MCF2L2: variants seen among roughly 807,000 people sequenced by gnomAD.
MCF2L2 encodes the protein MCF.2 cell line derived transforming sequence-like 2, also known as probable guanine nucleotide exchange factor MCF2L2.
Under a neutral mutation model 150.2 loss-of-function variants are expected in MCF2L2, and 102 were observed. The ratio of observed to expected loss-of-function variants is 0.68; its 90% CI spans 0.58 to 0.80. MCF2L2 has a LOEUF of 0.80. Ranked by LOEUF, MCF2L2 falls within the 30% of genes least tolerant of loss-of-function variation. MCF2L2 has a pLI of 0.00. For synonymous variants in MCF2L2, 465 were observed against 491.3 expected (o/e 0.95, Z 0.71); for missense variants, 1,256 against 1,372.8 (o/e 0.91, Z 1.34).
intron 1 of MCF2L2, among the ~76,000 whole-genome samples, chr3:183,420,548 G>T (rs947330070): frequency 6.6e-6 from 1 of 152,150 alleles, no homozygotes; most frequent in African/African-American, 2.4e-5. Flanking sequence ...GCAGTGTGCT[G>T]AAATTGCGCC....
At chr3:183,222,117 C>T (rs556909015) in intron 20 of MCF2L2, among the ~76,000 whole-genome samples, 3 of 152,274 alleles carry the variant, frequency 2.0e-5, no homozygotes, top group East Asian at 3.9e-4. Flanking sequence ...CTCCTGCCTC[C>T]ACCTCCTGAG....
intron 15 of MCF2L2, among the ~76,000 whole-genome samples, chr3:183,258,609 C>CAGG (rs1428862711): frequency 6.6e-6 from 1 of 152,232 alleles, no homozygotes; most frequent in East Asian, 1.9e-4. Flanking sequence ...TGTTGTCCCT[C>CAGG]AGTATCCTTG....
At chr3:183,261,171 T>C (rs1483841752) in intron 15 of MCF2L2, among the ~76,000 whole-genome samples, 1 of 152,190 alleles carries the variant, frequency 6.6e-6, no homozygotes, top group Non-Finnish European at 1.5e-5. Context: ...TTAACACCGA[T>C]TATTGTAAGT....
chr3:183,379,354 T>C lies in MCF2L2; in HGVS notation c.218A>G (p.Lys73Arg), dbSNP rs1449225012. The C allele has an allele frequency of 4.3e-6, 7 of 1,610,854 alleles. No homozygotes were observed. The highest frequency in any genetic ancestry group is 5.9e-6 in the Non-Finnish European group (7 of 1,178,708). Residue 73 changes from lysine to arginine, a missense_variant, in exon 3 of 30, where the codon AAA (lysine) becomes AGA (arginine). Lys to Arg is a conservative substitution (Grantham distance 26). Coordinates refer to ENST00000328913, the MANE Select transcript of MCF2L2 (RefSeq NM_015078.4). The stretch of plus-strand genomic sequence containing the variant: ...CAGGAAGTCTTCATCTGGGATGTGT[T>C]TGAACCCCGAAAACTCTGGGAACGT... ...IITFPEFSGF[K>R]HIPDEDFLNV...
chr3:183,309,107 C>T (rs982950901), intron 10 of MCF2L2, among the ~76,000 whole-genome samples: 2 of 152,156 alleles, frequency 1.3e-5, no homozygotes, highest in African/African-American at 4.8e-5. Context: ...TGTTTAATTC[C>T]AGTATGGGAC....
rs200010970 is a variant in MCF2L2, at chr3:183,271,629, AT to A, written c.1862+5242del. 1,207 of 166,504 alleles carry A rather than the reference AT, an allele frequency of 7.2e-3. 20 individuals are homozygous for A. Among genetic ancestry groups the A allele is most frequent in the African/African-American group, 0.028 (1,162 of 41,396 alleles). The allele number at this position is 166,504 out of a possible 1,614,324, so 10.3% of individuals were successfully genotyped here. ...CTAATACTTTATATGTTTTTAATGG[AT>A]TTTTTTTTAAGTATTAGAAAATGAC... On this transcript the variant is annotated intron_variant, in intron 15 of 29. Coordinates refer to ENST00000328913, the MANE Select transcript of MCF2L2 (RefSeq NM_015078.4).
chr3:183,393,296 C>T (rs1241409376), intron 1 of MCF2L2, among the ~76,000 whole-genome samples: 5 of 151,024 alleles, frequency 3.3e-5, no homozygotes, highest in Admixed American at 3.3e-4. Context: ...CGGGTTCAAG[C>T]GATTCTCCTG....
chr3:183,338,447 C>CAAAAAA (rs58920831), intron 5 of MCF2L2, among the ~76,000 whole-genome samples: 5 of 104,652 alleles, frequency 4.8e-5, no homozygotes, highest in Non-Finnish European at 5.9e-5. Context: ...AACTCTATCT[C>CAAAAAA]AAAAAAAAAA....
At chr3:183,371,703 C>G (rs144055458) in intron 3 of MCF2L2, among the ~76,000 whole-genome samples, 2 of 150,958 alleles carry the variant, frequency 1.3e-5, no homozygotes, top group African/African-American at 4.9e-5. Flanking sequence ...TTCTTGAACT[C>G]CTGACCTCAA....
intron 1 of MCF2L2, among the ~76,000 whole-genome samples, chr3:183,409,547 ATTTC>A (rs1715213867): frequency 7.0e-6 from 1 of 143,854 alleles, no homozygotes; most frequent in African/African-American, 2.6e-5. Context: ...GGTAGCTAAA[ATTTC>A]TTTTTTTTTT....
intron 5 of MCF2L2, among the ~76,000 whole-genome samples, chr3:183,324,256 A>G (rs1729936676): frequency 1.3e-5 from 2 of 152,178 alleles, no homozygotes. Flanking sequence ...TGATGAGCGA[A>G]CACTCACACA....
intron 1 of MCF2L2, among the ~76,000 whole-genome samples, chr3:183,414,114 C>T (rs1715463194): frequency 6.6e-6 from 1 of 152,190 alleles, no homozygotes; most frequent in Non-Finnish European, 1.5e-5. Flanking sequence ...AATATTCTCA[C>T]TTCTTCTATT....
chr3:183,351,236 A>G (rs200934334), intron 3 of MCF2L2, among the ~76,000 whole-genome samples: 1 of 70,398 alleles, frequency 1.4e-5, no homozygotes, highest in Non-Finnish European at 2.5e-5. Context: ...ATATATATAT[A>G]TTTATTTATT....
chr3:183,356,358 T>C (rs1257638341), intron 3 of MCF2L2, among the ~76,000 whole-genome samples: 1 of 151,454 alleles, frequency 6.6e-6, no homozygotes, highest in East Asian at 1.9e-4. Flanking sequence ...ACTAAAAATA[T>C]AAAAATTAGT....
intron 4 of MCF2L2, among the ~76,000 whole-genome samples, chr3:183,339,741 C>G (rs1730625943): frequency 1.3e-5 from 2 of 152,090 alleles, no homozygotes; most frequent in African/African-American, 2.4e-5. Context: ...AGTGGTTCCC[C>G]CAAAGCAACC....
At chr3:183,309,416 T>A (rs1303960009) in intron 10 of MCF2L2, among the ~76,000 whole-genome samples, 1 of 152,196 alleles carries the variant, frequency 6.6e-6, no homozygotes. Context: ...GAGCCTGTTG[T>A]GACCTTCTCC....
intron 2 of MCF2L2, among the ~76,000 whole-genome samples, chr3:183,381,232 G>C (rs1323031079): frequency 9.2e-5 from 14 of 152,224 alleles, no homozygotes. Flanking sequence ...ACACATATCA[G>C]TGTGGGGTGT....
Position 183,323,360 on chromosome 3 carries a change from T to G in MCF2L2, c.487-9A>C, listed in dbSNP as rs772982636. On this transcript the variant is annotated splice_polypyrimidine_tract_variant and intron_variant, in intron 5 of 29. Transcript: ENST00000328913. The stretch of plus-strand genomic sequence containing the variant: ...GAGTTTACCATGATGATCTGTAAGG[T>G]AAAAATTTAATTAAACATACTCCTC... The G allele has an allele frequency of 1.3e-6, 2 of 1,532,658 alleles. No individual in the cohort carries two copies. Among genetic ancestry groups the G allele is most frequent in the South Asian group, 2.2e-5 (2 of 88,900 alleles). 94.9% of individuals were successfully genotyped at this position (1,532,658 alleles called of 1,614,324 possible). A position where few individuals can be genotyped will look rare whatever the true frequency, so the allele number is the denominator to read the frequency against.
chr3:183,326,406 C>T (rs887672753), intron 5 of MCF2L2, among the ~76,000 whole-genome samples: 5 of 140,948 alleles, frequency 3.5e-5, no homozygotes, highest in African/African-American at 1.4e-4. Flanking sequence ...GCAAAAGAAT[C>T]GCTGGAATTC....
Sources: gnomAD v4.1 joint callset for allele counts (sites outside exome capture counted in the v4.1 genomes callset) on GRCh38, gnomAD v4.1.1 for gene constraint, MANE v1.5 for transcripts, NCBI Gene and HGNC (gene_info 2026-07-23, HGNC 2026-07-21) for gene names.